BRME1: variants seen among roughly 807,000 people sequenced by gnomAD.
BRME1 encodes the protein BRCA2 and MEILB2-associating protein 1.
Under a neutral mutation model 52.6 loss-of-function variants are expected in BRME1, and 31 were observed. The ratio of observed to expected loss-of-function variants is 0.59; its 90% CI spans 0.44 to 0.80. BRME1 has a LOEUF of 0.80. Among genes scored for constraint, BRME1 ranks in the 30% least tolerant of loss-of-function variants. The pLI, the probability that BRME1 is intolerant of heterozygous loss-of-function variation, is 0.00. For missense variants in BRME1, 804 were observed against 860.3 expected, an observed-to-expected ratio of 0.93 and a Z score of 0.82; for synonymous variants, 359 against 353.6, an observed-to-expected ratio of 1.02 and a Z score of -0.17.
At chr19:13,895,125 C>G (rs1223012928) in intron 3 of BRME1, among the ~76,000 whole-genome samples, 1 of 152,056 alleles carries the variant, frequency 6.6e-6, no homozygotes, top group African/African-American at 2.4e-5. Flanking sequence ...GTGATCTTCC[C>G]CCCTCGGCCT....
At chr19:13,898,699 G>A (rs1034533762) in intron 2 of BRME1, among the ~76,000 whole-genome samples, 5 of 151,900 alleles carry the variant, frequency 3.3e-5, no homozygotes, top group South Asian at 2.1e-4. Flanking sequence ...TGAGGCGGGC[G>A]GATCCCCTGA....
At chr19:13,893,051 G>A in intron 4 of BRME1, 91 bp downstream of exon 4, 1 of 1,387,396 alleles carries the variant, frequency 7.2e-7, no homozygotes, top group Admixed American at 2.0e-5. Context: ...CCATGAGTGA[G>A]CAATTGGTGA....
intron 6 of BRME1, 90 bp downstream of exon 6, chr19:13,889,098 C>A (rs1054341527): frequency 1.6e-6 from 2 of 1,255,496 alleles, no homozygotes; most frequent in South Asian, 1.5e-5. Flanking sequence ...CCCAGCTCCC[C>A]CTCTGCCACT....
chr19:13,884,150 G>A (rs1011173626), intron 7 of BRME1, among the ~76,000 whole-genome samples: 10 of 152,052 alleles, frequency 6.6e-5, no homozygotes, highest in Non-Finnish European at 1.0e-4. Flanking sequence ...GACCAGCCTC[G>A]GCAATGTAGT....
At chr19:13,894,262 C>T (rs1159872572) in intron 3 of BRME1, among the ~76,000 whole-genome samples, 2 of 152,138 alleles carry the variant, frequency 1.3e-5, no homozygotes, top group East Asian at 1.9e-4. Context: ...TGGTGGCTCA[C>T]GCCTGTAATC....
rs1599328219 is a variant in BRME1 at position 13,889,904 on chromosome 19, T to A, written c.952A>T (p.Met318Leu). 1 of 1,612,838 alleles carries A rather than the reference T, an allele frequency of 6.2e-7. No individual in the cohort carries two copies. Among genetic ancestry groups the A allele is most frequent in the Admixed American group, 1.7e-5 (1 of 60,002 alleles). Residue 318 changes from methionine to leucine, a missense_variant, in exon 6 of 9, where the codon ATG becomes TTG. Physicochemically the swap from Met to Leu is conservative, Grantham distance 15. Coordinates refer to ENST00000586783, the MANE Select transcript of BRME1 (RefSeq NM_001345843.2). ...SPDPQQTPSR[M>L]GREGEGTHSS... ...TGAGTCCCTTCCCCTTCCCTACCCA[T>A]CCTGCTGGGGGTCTGCTGGGGGTCA...
At chr19:13,894,960 A>T (rs1969774015) in intron 3 of BRME1, among the ~76,000 whole-genome samples, 1 of 151,984 alleles carries the variant, frequency 6.6e-6, no homozygotes, top group Non-Finnish European at 1.5e-5. Context: ...AGCTTACTGC[A>T]ACCTCTGCCT....
At chr19:13,898,077 CAA>C in intron 2 of BRME1, among the ~76,000 whole-genome samples, 1 of 151,502 alleles carries the variant, frequency 6.6e-6, no homozygotes, top group Non-Finnish European at 1.5e-5. Context: ...CCAGCCTGGG[CAA>C]GGGAGTGAGA....
At position 13,889,731 on chromosome 19, in the gene BRME1, G is replaced by A. The variant is rs371257595; in HGVS notation, c.1125C>T (p.Ala375=). The A allele has an allele frequency of 2.7e-5, 43 of 1,608,392 alleles. No individual in the cohort carries two copies. Among genetic ancestry groups the A allele is most frequent in the Admixed American group, 2.2e-4 (13 of 59,720 alleles). Residue 375 remains alanine (A), a synonymous_variant, in exon 6 of 9, where the codon GCC becomes GCT. Transcript: ENST00000586783. ...AISPASPRRK[A]ADGGHRRALP... ...AGGCCCTCCTGTGGCCTCCATCAGC[G>A]GCCTTCCTCCTGGGAGAGGCAGGTG...
chr19:13,887,180 C>T (rs1006652649), intron 6 of BRME1, among the ~76,000 whole-genome samples: 2 of 152,226 alleles, frequency 1.3e-5, no homozygotes, highest in South Asian at 2.1e-4. Context: ...GGTGCTGAGA[C>T]GGCCCGCTCG....
At chr19:13,892,066 C>T (rs1468999043) in intron 5 of BRME1, among the ~76,000 whole-genome samples, 1 of 131,520 alleles carries the variant, frequency 7.6e-6, no homozygotes, top group East Asian at 2.2e-4. Flanking sequence ...AGCAAGACTC[C>T]ATCTCAAAAA....
rs1968701924 is a variant in BRME1, at chr19:13,882,450, A to G, written c.*352T>C. On this transcript the variant is annotated 3_prime_UTR_variant, in exon 9 of 9. Transcript: ENST00000586783. ...AGGGAGCTCTCTTCTCCTCCAGGAA[A>G]GAAACAAATTCTGAACCATCCATAC... is the stretch of plus-strand genomic sequence containing the variant. 5 of 413,740 alleles carry G rather than the reference A, an allele frequency of 1.2e-5. No homozygotes were observed. The East Asian group carries it at 1.8e-4, about 15-fold the overall frequency. 25.6% of individuals were successfully genotyped at this position (413,740 alleles called of 1,614,324 possible).
At chr19:13,892,724 C>A in intron 5 of BRME1, 62 bp downstream of exon 5, 1 of 1,403,464 alleles carries the variant, frequency 7.1e-7, no homozygotes, top group Non-Finnish European at 1.0e-6. Context: ...ATGGGGCTGC[C>A]GAGGCTGGGC....
At chr19:13,887,323 C>T (rs59015330) in intron 6 of BRME1, among the ~76,000 whole-genome samples, 51,931 of 152,132 alleles carry the variant, frequency 0.34, 12,021 homozygotes, top group African/African-American at 0.66. Flanking sequence ...TGCTGGGGAA[C>T]GCCTCGTGTC....
In BRME1 at chr19:13,883,299, AC is replaced by A; in HGVS notation, c.1856+8del. 1 of 1,530,750 alleles carries A rather than the reference AC, an allele frequency of 6.5e-7. No homozygotes were observed. The highest frequency in any genetic ancestry group is 8.8e-7 in the Non-Finnish European group (1 of 1,142,836). 94.8% of individuals were successfully genotyped at this position (1,530,750 alleles called of 1,614,324 possible). ...GACCCTGTGCCGTGAGTCCAAGCCCACCCCGTACTTCAGGTTGGAGAGCTCA... is the reference window on the plus strand; with the variant it reads ...GACCCTGTGCCGTGAGTCCAAGCCCACCCGTACTTCAGGTTGGAGAGCTCA... On this transcript the variant is annotated splice_region_variant and intron_variant, in intron 8 of 8. Coordinates refer to ENST00000586783, the MANE Select transcript of BRME1 (RefSeq NM_001345843.2). This position sits in a 1 kb window ranked among gnomAD's most constrained non-coding sequence, Gnocchi z 4.2.
chr19:13,896,597 A>AAT (rs561990402), intron 2 of BRME1, among the ~76,000 whole-genome samples: 1 of 146,174 alleles, frequency 6.8e-6, no homozygotes, highest in East Asian at 1.9e-4. Context: ...CAAATATGTA[A>AAT]ATATATATAT....
rs1446177925 is a variant in BRME1, at chr19:13,892,333, C to T, written c.393+453G>A. On this transcript the variant is annotated intron_variant, in intron 5 of 8. Coordinates refer to ENST00000586783, the MANE Select transcript of BRME1 (RefSeq NM_001345843.2). ...GTGCGCAGTGGCTCATGCCTGTAAT[C>T]CCAGCACTTTGGGTGGCTGAGGCGG... 9.2e-5 allele frequency among the ~76,000 whole-genome samples: 14 copies of T among 152,244 alleles called. 1 individual carries two copies. The South Asian group carries it at 2.9e-3, about 32-fold the overall frequency.
intron 3 of BRME1, among the ~76,000 whole-genome samples, chr19:13,895,097 T>C (rs960049776): frequency 6.6e-6 from 1 of 152,090 alleles, no homozygotes; most frequent in African/African-American, 2.4e-5. Flanking sequence ...CAGTCTTGTC[T>C]CAAACTCGTG....
chr19:13,893,335 C>T (rs957663284), intron 3 of BRME1, 112 bp from the exon 4 acceptor site: 3 of 799,058 alleles, frequency 3.8e-6, no homozygotes, highest in Non-Finnish European at 4.1e-6. Flanking sequence ...GCCAGGAGTT[C>T]GAGACCAACC....
Sources: allele counts gnomAD v4.1 joint callset (sites outside exome capture counted in the v4.1 genomes callset), GRCh38; gene constraint gnomAD v4.1.1; non-coding constraint Gnocchi (gnomAD v3.1); transcripts MANE v1.5; gene names NCBI Gene and HGNC (gene_info 2026-07-23, HGNC 2026-07-21).